ACCSL: variants seen among roughly 807,000 people sequenced by gnomAD.
ACCSL encodes probable inactive 1-aminocyclopropane-1-carboxylate synthase-like protein 2.
Under a neutral mutation model 61.7 loss-of-function variants are expected in ACCSL, and 55 were observed. The observed-to-expected ratio is 0.89, with a 90% CI of 0.72 to 1.12. The LOEUF (loss-of-function observed/expected upper bound fraction) is 1.12. ACCSL is among the 50% of genes most tolerant of loss of function. ACCSL has a pLI of 0.00. For missense variants in ACCSL, 632 were observed against 698.0 expected (o/e 0.91, Z 1.07); for synonymous variants, 258 against 264.3 (o/e 0.98, Z 0.23).
At chr11:44,059,271 A>C (rs1487934830) in intron 13 of ACCSL, among the ~76,000 whole-genome samples, 2 of 152,116 alleles carry the variant, frequency 1.3e-5, no homozygotes, top group East Asian at 3.9e-4. Context: ...CAAAACCCGA[A>C]AAAAGTAGTA....
the ACCSL span, among the ~76,000 whole-genome samples, chr11:44,013,168 G>T: frequency 6.6e-6 from 1 of 152,184 alleles, no homozygotes; most frequent in Admixed American, 6.5e-5. Flanking sequence ...AAAAAGCAAA[G>T]TGCAAAACAG....
At chr11:43,968,672 G>A in the ACCSL span, among the ~76,000 whole-genome samples, 1 of 152,150 alleles carries the variant, frequency 6.6e-6, no homozygotes, top group African/African-American at 2.4e-5. Context: ...GCCCATCTGG[G>A]ATTATGAATT....
chr11:44,002,320 C>T, the ACCSL span, among the ~76,000 whole-genome samples: 64,639 of 151,976 alleles, frequency 0.43, 14,441 homozygotes, highest in Middle Eastern at 0.55. Context: ...CGCCCCACCC[C>T]GAGCTGGCCT....
the ACCSL span, chr11:43,942,993 C>G: frequency 8.0e-6 from 12 of 1,505,972 alleles, no homozygotes; most frequent in Non-Finnish European, 1.1e-5. Flanking sequence ...GACGAGTTCC[C>G]GCAGCCCGTG....
At chr11:44,014,863 G>A in the ACCSL span, among the ~76,000 whole-genome samples, 9,113 of 152,302 alleles carry the variant, frequency 0.06, 341 homozygotes, top group Non-Finnish European at 0.091. Flanking sequence ...CCTCTAAAGC[G>A]CTCTCCGAGC....
intron 3 of ACCSL, among the ~76,000 whole-genome samples, chr11:44,051,110 G>T (rs1415270838): frequency 6.6e-6 from 1 of 152,170 alleles, no homozygotes; most frequent in African/African-American, 2.4e-5. Context: ...CAAAGTGCTG[G>T]GATTACAGGC....
chr11:44,050,673 T>TCTGG, intron 3 of ACCSL, 51 bp downstream of exon 3: 1 of 1,565,454 alleles, frequency 6.4e-7, no homozygotes, highest in Non-Finnish European at 8.8e-7. Flanking sequence ...CAGCTGTCCT[T>TCTGG]ATCCAGAAGG....
chr11:43,964,450 A>G, the ACCSL span, among the ~76,000 whole-genome samples: 12 of 152,056 alleles, frequency 7.9e-5, no homozygotes, highest in East Asian at 5.8e-4. Context: ...AAAAAAAAAA[A>G]AAAGAAAGAA....
chr11:43,969,414 T>C, the ACCSL span, among the ~76,000 whole-genome samples: 2 of 152,156 alleles, frequency 1.3e-5, no homozygotes, highest in Admixed American at 6.5e-5. Flanking sequence ...TTTAAACAGC[T>C]TTTTAAGATG....
chr11:44,051,325 C>T lies in ACCSL; in HGVS notation c.636-10C>T. The T allele has an allele frequency of 6.2e-7, 1 of 1,614,184 alleles. No homozygotes were observed. The highest frequency in any genetic ancestry group is 8.5e-7 in the Non-Finnish European group (1 of 1,180,030). On this transcript the variant is annotated splice_polypyrimidine_tract_variant and intron_variant, in intron 3 of 13. Transcript: ENST00000378832. The stretch of plus-strand genomic sequence containing the variant: ...CGGAAGCCACAAGGTCTCTCTGGGT[C>T]TGTTTACAGCCTGCGGGAAGAAGTG...
chr11:44,017,449 G>A, the ACCSL span, among the ~76,000 whole-genome samples: 1 of 152,160 alleles, frequency 6.6e-6, no homozygotes, highest in African/African-American at 2.4e-5. Context: ...AAAAGTGCTG[G>A]CATAGAGGAA....
chr11:43,997,874 T>C, the ACCSL span, among the ~76,000 whole-genome samples: 17 of 152,190 alleles, frequency 1.1e-4, no homozygotes, highest in Admixed American at 3.3e-4. Flanking sequence ...GGGAAGAGAA[T>C]GTCTCCCTCC....
chr11:43,948,622 C>T, the ACCSL span, among the ~76,000 whole-genome samples: 1 of 152,128 alleles, frequency 6.6e-6, no homozygotes, highest in Admixed American at 6.6e-5. Flanking sequence ...TAGAGGCATG[C>T]ACCACCACAC....
chr11:43,986,874 A>C, the ACCSL span, among the ~76,000 whole-genome samples: 1 of 152,120 alleles, frequency 6.6e-6, no homozygotes, highest in Non-Finnish European at 1.5e-5. Flanking sequence ...CACCCCAATA[A>C]ACTTTTGTTA....
At chr11:44,035,990 G>A in the ACCSL span, among the ~76,000 whole-genome samples, 2 of 150,520 alleles carry the variant, frequency 1.3e-5, no homozygotes, top group Non-Finnish European at 3.0e-5. Context: ...TTGAAGTTCC[G>A]AGGGGGCTGG....
At chr11:43,996,064 C>T in the ACCSL span, among the ~76,000 whole-genome samples, 7 of 152,130 alleles carry the variant, frequency 4.6e-5, no homozygotes, top group South Asian at 2.1e-4. Context: ...ACAGGAAGAA[C>T]GCTGTTTACA....
chr11:43,974,831 C>A, the ACCSL span, among the ~76,000 whole-genome samples: 1 of 152,198 alleles, frequency 6.6e-6, no homozygotes, highest in Non-Finnish European at 1.5e-5. Flanking sequence ...TGGTTGACTA[C>A]AGCCATGGCC....
At chr11:44,045,832 T>C (rs1247211454), upstream of ACCSL, among the ~76,000 whole-genome samples, 1 of 152,190 alleles carries the variant, frequency 6.6e-6, no homozygotes, top group Non-Finnish European at 1.5e-5. Context: ...CAAAGAGCTG[T>C]CCCATCTTTG....
In ACCSL at chr11:44,048,262, T is replaced by C. The variant is rs371672420; in HGVS notation, c.226T>C (p.Cys76Arg). The C allele has an allele frequency of 1.9e-6, 3 of 1,614,114 alleles. No homozygotes were observed. Among genetic ancestry groups the C allele is most frequent in the Non-Finnish European group, 2.5e-6 (3 of 1,180,008 alleles). Residue 76 changes from cysteine to arginine, a missense_variant, in exon 1 of 14, where the codon TGC becomes CGC. By Grantham distance (180) the Cys-to-Arg change is radical. Coordinates refer to ENST00000378832, the MANE Select transcript of ACCSL (RefSeq NM_001031854.2). Reference protein sequence around the residue: ...EHEALLSRLICRMINLLQSGA... With the variant: ...EHEALLSRLIRRMINLLQSGA... ...TGAAGCCCTTCTGAGTCGCTTAATA[T>C]GCCGGATGATCAACCTCCTACAGTC...
Sources: gnomAD v4.1 joint callset for allele counts (sites outside exome capture counted in the v4.1 genomes callset) on GRCh38, gnomAD v4.1.1 for gene constraint, MANE v1.5 for transcripts, NCBI Gene and HGNC (gene_info 2026-07-23, HGNC 2026-07-21) for gene names.